SFMBT2: variants seen among roughly 807,000 people sequenced by gnomAD.
SFMBT2 encodes scm-like with four MBT domains protein 2.
In SFMBT2, 38 loss-of-function variants were observed where a neutral mutation model predicts 110.1. The ratio of observed to expected loss-of-function variants is 0.35; its 90% CI spans 0.27 to 0.45. The LOEUF is 0.45. SFMBT2 is among the 20% of genes least tolerant of loss of function. SFMBT2 has a pLI of 1.00. For synonymous variants in SFMBT2, 425 were observed against 425.4 expected (o/e 1.00, Z 0.01); for missense variants, 1,011 against 1,094.9 (o/e 0.92, Z 1.08).
intron 4 of SFMBT2, among the ~76,000 whole-genome samples, chr10:7,311,093 A>T (rs535430863): frequency 4.0e-5 from 6 of 151,228 alleles, no homozygotes; most frequent in Admixed American, 2.0e-4. Context: ...AACAAAACAA[A>T]CTAAACTGTC....
At chr10:7,256,722 T>C (rs926861361) in intron 7 of SFMBT2, among the ~76,000 whole-genome samples, 3 of 152,300 alleles carry the variant, frequency 2.0e-5, no homozygotes, top group Admixed American at 6.5e-5. Context: ...GTTAATCTAG[T>C]ACACGTGGCT....
At chr10:7,409,970 A>G (rs1292318859) in intron 1 of SFMBT2, among the ~76,000 whole-genome samples, 1 of 149,764 alleles carries the variant, frequency 6.7e-6, no homozygotes, top group African/African-American at 2.5e-5. Flanking sequence ...GCCCCTTCCC[A>G]CCGCCCCTGG....
intron 10 of SFMBT2, among the ~76,000 whole-genome samples, chr10:7,225,885 C>T (rs1839884734): frequency 6.6e-6 from 1 of 151,936 alleles, no homozygotes; most frequent in Non-Finnish European, 1.5e-5. Context: ...GTTTCCACGG[C>T]CCTCAATGAA....
At chr10:7,291,998 A>C (rs1588423586) in intron 4 of SFMBT2, among the ~76,000 whole-genome samples, 1 of 152,136 alleles carries the variant, frequency 6.6e-6, no homozygotes, top group Non-Finnish European at 1.5e-5. Context: ...GTAGTCACAT[A>C]GCCTTATCAG....
rs555027141 is a variant in SFMBT2 at position 7,286,264 on chromosome 10, G to A, written c.437-310C>T. Reference sequence around the variant, plus strand: ...AATTATAAAGTGTACAATTCAGGAGGTTCCAAGGAGAGAGAAACCAGTGAG... The same window carrying A: ...AATTATAAAGTGTACAATTCAGGAGATTCCAAGGAGAGAGAAACCAGTGAG... On this transcript the variant is annotated intron_variant, in intron 4 of 20. Transcript: ENST00000397167. 1.9e-5 allele frequency: 4 copies of A among 211,910 alleles called. No individual in the cohort carries two copies. In the East Asian group the frequency reaches 5.5e-4, roughly 29 times the overall value. The allele number at this position is 211,910 out of a possible 1,614,324, so 13.1% of individuals were successfully genotyped here. A position where few individuals can be genotyped will look rare whatever the true frequency, so the allele number is the denominator to read the frequency against.
At chr10:7,300,310 G>T (rs536388086) in intron 4 of SFMBT2, among the ~76,000 whole-genome samples, 1 of 150,496 alleles carries the variant, frequency 6.6e-6, no homozygotes, top group African/African-American at 2.4e-5. Context: ...AAGAAATAAA[G>T]AACAAATAAA....
intron 16 of SFMBT2, 112 bp from the exon 17 acceptor site, chr10:7,176,277 T>C (rs1279278329): frequency 8.5e-7 from 1 of 1,176,098 alleles, no homozygotes; most frequent in Non-Finnish European, 1.2e-6. Flanking sequence ...ACAAAGCATA[T>C]CGCGTGCAGT....
chr10:7,311,776 A>G (rs1305908980), intron 4 of SFMBT2, among the ~76,000 whole-genome samples: 1 of 152,266 alleles, frequency 6.6e-6, no homozygotes, highest in Non-Finnish European at 1.5e-5. Context: ...CACTTGTCAC[A>G]GCCCTTCTAA....
chr10:7,256,333 T>G (rs1285686829), intron 7 of SFMBT2, among the ~76,000 whole-genome samples: 1 of 152,222 alleles, frequency 6.6e-6, no homozygotes. Context: ...ACAACCTACT[T>G]AAAGCCCCCT....
At chr10:7,379,103 C>CT (rs1483916917) in intron 2 of SFMBT2, among the ~76,000 whole-genome samples, 2 of 152,098 alleles carry the variant, frequency 1.3e-5, no homozygotes, top group East Asian at 3.8e-4. Flanking sequence ...ACGCAAAGAA[C>CT]TTAACATTTT....
At chr10:7,212,509 G>C (rs1564386341) in intron 11 of SFMBT2, among the ~76,000 whole-genome samples, 1 of 152,150 alleles carries the variant, frequency 6.6e-6, no homozygotes, top group Non-Finnish European at 1.5e-5. Flanking sequence ...CTTTCAGCTG[G>C]AGCACAGGCT....
chr10:7,381,731 G>A, intron 2 of SFMBT2, 68 bp downstream of exon 2: 1 of 1,526,630 alleles, frequency 6.6e-7, no homozygotes, highest in East Asian at 2.3e-5. Flanking sequence ...ATTGTTTCCT[G>A]AATACTTTCA....
chr10:7,391,688 TAAAG>T (rs1411453007), intron 1 of SFMBT2, among the ~76,000 whole-genome samples: 2 of 152,202 alleles, frequency 1.3e-5, no homozygotes, highest in Non-Finnish European at 2.9e-5. Flanking sequence ...AGTAAAATTA[TAAAG>T]AAAGAAATTA....
At chr10:7,272,954 G>A (rs1031496608) in intron 7 of SFMBT2, among the ~76,000 whole-genome samples, 3 of 152,092 alleles carry the variant, frequency 2.0e-5, no homozygotes, top group East Asian at 1.9e-4. Context: ...CACCATGCCC[G>A]GCTAATTTTT....
At chr10:7,355,240 T>C (rs1367333522) in intron 4 of SFMBT2, among the ~76,000 whole-genome samples, 2 of 152,194 alleles carry the variant, frequency 1.3e-5, no homozygotes, top group East Asian at 1.9e-4. Context: ...TTCTAAAGTG[T>C]CTACTAAAAT....
rs1841134455 is a variant in SFMBT2, at chr10:7,259,607, CT to C, written c.871-10959del. Among the ~76,000 whole-genome samples, 3 of 152,376 alleles carry C rather than the reference CT, an allele frequency of 2.0e-5. No homozygotes were observed. In the South Asian group the frequency reaches 6.2e-4, roughly 32 times the overall value. On this transcript the variant is annotated intron_variant, in intron 7 of 20. Transcript: ENST00000397167. ...CATGTCCACTGAAGGGCACATGCCCCTGGCCCCTGAGTTGAGGACCACTGAT... is the reference window on the plus strand; with the variant it reads ...CATGTCCACTGAAGGGCACATGCCCCGGCCCCTGAGTTGAGGACCACTGAT...
At chr10:7,231,858 G>C (rs1840117172) in intron 9 of SFMBT2, among the ~76,000 whole-genome samples, 1 of 152,108 alleles carries the variant, frequency 6.6e-6, no homozygotes, top group South Asian at 2.1e-4. Context: ...AGGCAGTTTT[G>C]TGACAGCTCA....
chr10:7,193,254 T>G (rs183348680), intron 15 of SFMBT2, among the ~76,000 whole-genome samples: 95 of 152,246 alleles, frequency 6.2e-4, no homozygotes, highest in African/African-American at 2.2e-3. Context: ...TCAGCACCCC[T>G]GAAGCTCATG....
intron 7 of SFMBT2, among the ~76,000 whole-genome samples, chr10:7,259,574 C>T (rs1841132926): frequency 6.6e-6 from 1 of 152,234 alleles, no homozygotes; most frequent in Non-Finnish European, 1.5e-5. Context: ...TGTCTCCTGG[C>T]TTTGCCACAT....
Sources: gnomAD v4.1 joint callset for allele counts (sites outside exome capture counted in the v4.1 genomes callset) on GRCh38, gnomAD v4.1.1 for gene constraint, MANE v1.5 for transcripts, NCBI Gene and HGNC (gene_info 2026-07-23, HGNC 2026-07-21) for gene names.